The following GPC5 variants were observed in gnomAD, a reference collection of about 807,000 sequenced individuals.
GPC5 encodes the protein glypican 5.
In GPC5, 47 loss-of-function variants were observed where a neutral mutation model predicts 53.9. The observed-to-expected ratio is 0.87, with a 90% CI of 0.69 to 1.11. The LOEUF (loss-of-function observed/expected upper bound fraction) is 1.11. Among genes scored for constraint, GPC5 ranks in the 50% most tolerant of loss-of-function variants. GPC5 has a pLI of 0.00. For missense variants in GPC5, 748 were observed against 713.1 expected, an observed-to-expected ratio of 1.05 and a Z score of -0.56; for synonymous variants, 286 against 263.3, an observed-to-expected ratio of 1.09 and a Z score of -0.84.
chr13:91,472,165 A>G (rs953024479), intron 2 of GPC5, among the ~76,000 whole-genome samples: 1 of 152,202 alleles, frequency 6.6e-6, no homozygotes. Context: ...TTATATTTGT[A>G]ACCATGTGTA....
chr13:91,760,467 A>G (rs966761046), intron 5 of GPC5, among the ~76,000 whole-genome samples: 1 of 152,214 alleles, frequency 6.6e-6, no homozygotes, highest in Admixed American at 6.5e-5. Flanking sequence ...AAGTGAATGT[A>G]TACTACATTT....
intron 7 of GPC5, among the ~76,000 whole-genome samples, chr13:92,409,988 G>A (rs1260370609): frequency 6.6e-6 from 1 of 152,140 alleles, no homozygotes; most frequent in Non-Finnish European, 1.5e-5. Context: ...GTATGCACAC[G>A]CATGCCTGTG....
intron 7 of GPC5, among the ~76,000 whole-genome samples, chr13:92,744,537 C>A (rs1461923936): frequency 6.6e-6 from 1 of 151,154 alleles, no homozygotes; most frequent in African/African-American, 2.4e-5. Context: ...AGATAGAACC[C>A]TAAGAATACA....
At chr13:92,579,827 A>G (rs1285187196) in intron 7 of GPC5, among the ~76,000 whole-genome samples, 1 of 151,996 alleles carries the variant, frequency 6.6e-6, no homozygotes, top group Non-Finnish European at 1.5e-5. Context: ...AACACATCCT[A>G]TAAGGTTTCT....
intron 7 of GPC5, among the ~76,000 whole-genome samples, chr13:92,679,688 C>A (rs1460105747): frequency 1.3e-5 from 2 of 151,964 alleles, no homozygotes; most frequent in African/African-American, 4.8e-5. Context: ...GTTTCCTGTT[C>A]CCTTCCAATT....
At chr13:91,708,323 T>A (rs2036153326) in intron 3 of GPC5, among the ~76,000 whole-genome samples, 2 of 152,258 alleles carry the variant, frequency 1.3e-5, no homozygotes, top group South Asian at 4.1e-4. Context: ...CTGAGTTGGG[T>A]TTCCGTATGT....
At chr13:92,589,932 G>A (rs775724874) in intron 7 of GPC5, among the ~76,000 whole-genome samples, 3 of 152,122 alleles carry the variant, frequency 2.0e-5, no homozygotes, top group Non-Finnish European at 4.4e-5. Context: ...CTTGTTGTTC[G>A]GGCTGTGTGG....
intron 6 of GPC5, among the ~76,000 whole-genome samples, chr13:92,089,621 G>A (rs2041363449): frequency 6.6e-6 from 1 of 151,996 alleles, no homozygotes; most frequent in African/African-American, 2.4e-5. Context: ...CAGTAAAGCA[G>A]TATAAAAAAT....
intron 7 of GPC5, among the ~76,000 whole-genome samples, chr13:92,650,757 A>T (rs1395228393): frequency 6.6e-6 from 1 of 152,192 alleles, no homozygotes; most frequent in Non-Finnish European, 1.5e-5. Context: ...AATCATTGGT[A>T]TACAGTGAAA....
At chr13:91,579,416 C>T (rs1187184881) in intron 2 of GPC5, among the ~76,000 whole-genome samples, 1 of 152,124 alleles carries the variant, frequency 6.6e-6, no homozygotes, top group African/African-American at 2.4e-5. Context: ...TAACCTGCAT[C>T]TGTTCCATGT....
intron 7 of GPC5, among the ~76,000 whole-genome samples, chr13:92,559,747 T>A (rs1441904514): frequency 1.3e-5 from 2 of 151,670 alleles, no homozygotes; most frequent in Non-Finnish European, 2.9e-5. Flanking sequence ...CCCTTGCTTT[T>A]CTGTCTTCTG....
chr13:91,945,110 A>T (rs56319726), intron 6 of GPC5, among the ~76,000 whole-genome samples: 2,318 of 152,308 alleles, frequency 0.015, 54 homozygotes, highest in African/African-American at 0.053. Flanking sequence ...ATGATGATCT[A>T]TCTTGGCTTA....
In GPC5 at chr13:92,579,763, CTT is replaced by C. The variant is rs540725079; in HGVS notation, c.1562-286516_1562-286515del. 2.4e-4 allele frequency among the ~76,000 whole-genome samples: 36 copies of C among 152,214 alleles called. No individual in the cohort carries two copies. The South Asian group carries it at 7.2e-3, about 31-fold the overall frequency. The stretch of plus-strand genomic sequence containing the variant: ...ATCGTACATCATCTAGCTAATATCT[CTT>C]TTGAATTCTGCCTACATAGCAAAAG... On this transcript the variant is annotated intron_variant, in intron 7 of 7. Coordinates refer to ENST00000377067, the MANE Select transcript of GPC5 (RefSeq NM_004466.6).
chr13:92,846,567 A>T (rs1878618970), intron 7 of GPC5, among the ~76,000 whole-genome samples: 6 of 152,196 alleles, frequency 3.9e-5, no homozygotes, highest in Admixed American at 3.9e-4. Flanking sequence ...TGGGAATAGA[A>T]TAGCAACATC....
intron 2 of GPC5, among the ~76,000 whole-genome samples, chr13:91,527,250 A>G (rs1259971343): frequency 6.6e-6 from 1 of 152,258 alleles, no homozygotes; most frequent in Non-Finnish European, 1.5e-5. Context: ...TACTTCCAAG[A>G]TACAATGAGG....
intron 7 of GPC5, among the ~76,000 whole-genome samples, chr13:92,356,307 C>G (rs769988138): frequency 6.6e-6 from 1 of 152,090 alleles, no homozygotes; most frequent in Admixed American, 6.6e-5. Flanking sequence ...GGAGGGAAAC[C>G]TAGACCAAGT....
chr13:92,147,856 C>G (rs1167374318), intron 7 of GPC5, among the ~76,000 whole-genome samples: 3 of 151,946 alleles, frequency 2.0e-5, no homozygotes, highest in East Asian at 1.9e-4. Context: ...AGGAAAGGAG[C>G]GAAGTGTAGG....
intron 5 of GPC5, among the ~76,000 whole-genome samples, chr13:91,774,142 G>A (rs1227870962): frequency 6.6e-6 from 1 of 152,076 alleles, no homozygotes; most frequent in African/African-American, 2.4e-5. Flanking sequence ...ATAAACTGAA[G>A]AGCAATTTAC....
chr13:91,739,089 T>C (rs2036874060), intron 4 of GPC5, among the ~76,000 whole-genome samples: 2 of 151,608 alleles, frequency 1.3e-5, no homozygotes, highest in Non-Finnish European at 2.9e-5. Flanking sequence ...TCTTGAATTG[T>C]ACATTGTTGC....
Sources: gnomAD v4.1 joint callset for allele counts (sites outside exome capture counted in the v4.1 genomes callset) on GRCh38, gnomAD v4.1.1 for gene constraint, MANE v1.5 for transcripts, NCBI Gene and HGNC (gene_info 2026-07-23, HGNC 2026-07-21) for gene names.